VWA3B: variants seen among roughly 807,000 people sequenced by gnomAD.
The protein encoded by VWA3B is von Willebrand factor A domain-containing protein 3B.
VWA3B carries 138 observed loss-of-function variants against 158.3 expected under a neutral mutation model. The observed-to-expected ratio is 0.87, with a 90% CI of 0.76 to 1.00. The LOEUF (loss-of-function observed/expected upper bound fraction) is 1.00, where lower values mean the gene tolerates loss of function less well. Ranked by LOEUF, VWA3B falls within the 50% of genes least tolerant of loss-of-function variation. VWA3B has a pLI of 0.00. For missense variants in VWA3B, 1,555 were observed against 1,565.1 expected, an observed-to-expected ratio of 0.99 and a Z score of 0.11; for synonymous variants, 596 against 587.3, an observed-to-expected ratio of 1.01 and a Z score of -0.21.
chr2:98,325,667 A>G, the VWA3B span, among the ~76,000 whole-genome samples: 2 of 152,232 alleles, frequency 1.3e-5, no homozygotes, highest in Non-Finnish European at 2.9e-5. Context: ...TAATATACAT[A>G]TAGTTATAAT....
intron 14 of VWA3B, among the ~76,000 whole-genome samples, chr2:98,227,652 T>A (rs1285352560): frequency 6.6e-6 from 1 of 152,186 alleles, no homozygotes; most frequent in African/African-American, 2.4e-5. Context: ...AAGAGTAATT[T>A]CTGTGTGATT....
In VWA3B at chr2:98,216,840, A is replaced by G. The variant is rs1445550816; in HGVS notation, c.1837-1006A>G. 3.4e-6 allele frequency: 3 copies of G among 874,898 alleles called. No homozygotes were observed. In the South Asian group the frequency reaches 4.2e-5, roughly 12 times the overall value. 54.2% of individuals were successfully genotyped at this position (874,898 alleles called of 1,614,324 possible). A position where few individuals can be genotyped will look rare whatever the true frequency, so the allele number is the denominator to read the frequency against. On this transcript the variant is annotated intron_variant, in intron 13 of 27. Transcript: ENST00000477737. Reference sequence around the variant, plus strand: ...CCACAGATGAGGAAACTCACATTAGACAGGACATGCCCTAGGCCATTCAGA... The same window carrying G: ...CCACAGATGAGGAAACTCACATTAGGCAGGACATGCCCTAGGCCATTCAGA...
At chr2:98,195,563 A>G (rs1197452931) in intron 12 of VWA3B, among the ~76,000 whole-genome samples, 1 of 152,164 alleles carries the variant, frequency 6.6e-6, no homozygotes, top group Non-Finnish European at 1.5e-5. Context: ...CAATGAAGTT[A>G]CTTGTGACAT....
chr2:98,179,295 A>G (rs1276090811), intron 8 of VWA3B: 1 of 470,974 alleles, frequency 2.1e-6, no homozygotes, highest in African/African-American at 2.0e-5. Context: ...TGCTTGTGTG[A>G]TATGCTGGCT....
intron 2 of VWA3B, among the ~76,000 whole-genome samples, chr2:98,096,465 C>T (rs1559528877): frequency 6.6e-6 from 1 of 151,974 alleles, no homozygotes; most frequent in Non-Finnish European, 1.5e-5. Context: ...GACGGGATTT[C>T]ACCATGTTGG....
chr2:98,262,874 A>G (rs912072016), intron 21 of VWA3B, among the ~76,000 whole-genome samples: 8 of 151,928 alleles, frequency 5.3e-5, no homozygotes, highest in Admixed American at 1.3e-4. Flanking sequence ...CACTTTAGGT[A>G]GTATGGACAT....
At chr2:98,106,230 G>A (rs765636877) in intron 2 of VWA3B, among the ~76,000 whole-genome samples, 8 of 151,994 alleles carry the variant, frequency 5.3e-5, no homozygotes, top group Non-Finnish European at 1.2e-4. Flanking sequence ...TTCTCTATTT[G>A]TTCTATTCAT....
At chr2:98,227,353 T>A (rs2105676656) in intron 14 of VWA3B, among the ~76,000 whole-genome samples, 1 of 152,312 alleles carries the variant, frequency 6.6e-6, no homozygotes, top group South Asian at 2.1e-4. Flanking sequence ...GTGAAGGACC[T>A]TAACATCACA....
At chr2:98,316,264 C>G (rs1691083317), downstream of VWA3B, among the ~76,000 whole-genome samples, 4 of 152,212 alleles carry the variant, frequency 2.6e-5, no homozygotes, top group South Asian at 8.3e-4. Flanking sequence ...ATGCACCTGT[C>G]TGCAAACATG....
the VWA3B span, among the ~76,000 whole-genome samples, chr2:98,322,241 G>T: frequency 6.6e-6 from 1 of 152,306 alleles, no homozygotes; most frequent in African/African-American, 2.4e-5. Flanking sequence ...AGCTGCTGGA[G>T]AGTTTATTCT....
rs1214421769 is a variant in VWA3B at position 98,137,259 on chromosome 2, A to G, written c.988+3320A>G. ...TTCCATAGTGGCTGTACCATTTTACATTCCTACCAACAGTGCACAAAGTTC... is the reference window on the plus strand; with the variant it reads ...TTCCATAGTGGCTGTACCATTTTACGTTCCTACCAACAGTGCACAAAGTTC... On this transcript the variant is annotated intron_variant, in intron 7 of 27. Coordinates refer to ENST00000477737, the MANE Select transcript of VWA3B (RefSeq NM_144992.5). Among the ~76,000 whole-genome samples, 4 of 152,296 alleles carry G rather than the reference A, an allele frequency of 2.6e-5. No individual in the cohort carries two copies. The East Asian group carries it at 7.7e-4, about 29-fold the overall frequency.
At chr2:98,171,489 G>A (rs1036798126) in intron 8 of VWA3B, among the ~76,000 whole-genome samples, 4 of 152,082 alleles carry the variant, frequency 2.6e-5, no homozygotes, top group Non-Finnish European at 4.4e-5. Context: ...AAGGAGAACA[G>A]CACTTTAGAA....
At chr2:98,193,161 TGTTA>T in intron 11 of VWA3B, 125 bp downstream of exon 11, 1 of 1,256,438 alleles carries the variant, frequency 8.0e-7, no homozygotes, top group East Asian at 2.4e-5. Context: ...TACTCCCTTT[TGTTA>T]GTTAAAGAAT....
intron 20 of VWA3B, 95 bp downstream of exon 20, chr2:98,250,531 T>A (rs1686735302): frequency 9.5e-6 from 9 of 950,676 alleles, no homozygotes; most frequent in South Asian, 1.7e-5. Flanking sequence ...TTTTTTTTTT[T>A]AATGAAGCAG....
In VWA3B at chr2:98,128,939, G is replaced by A. The variant is rs150596896; in HGVS notation, c.872+531G>A. Among the ~76,000 whole-genome samples, 996 of 152,342 alleles carry A rather than the reference G, an allele frequency of 6.5e-3. 9 individuals carry two copies. Among genetic ancestry groups the A allele is most frequent in the African/African-American group, 0.023 (966 of 41,570 alleles). ...TTTCCCCTCACTCCCTCTGCCTCCC[G>A]GCTGAGCCGGTGCTTCCCTGTGTGG... On this transcript the variant is annotated intron_variant, in intron 6 of 27. Coordinates refer to ENST00000477737, the MANE Select transcript of VWA3B (RefSeq NM_144992.5).
At position 98,256,186 on chromosome 2, in the gene VWA3B, C is replaced by A. The variant is rs1244848937; in HGVS notation, c.2843+12C>A. 17 of 1,575,442 alleles carry A rather than the reference C, an allele frequency of 1.1e-5. No homozygotes were observed. The highest frequency in any genetic ancestry group is 1.8e-5 in the Admixed American group (1 of 55,908). On this transcript the variant is annotated intron_variant, in intron 21 of 27. Transcript: ENST00000477737. ...GAGGAAAAAGAAAAGTAAGCCATTCCATTCCCTCCTCACTTTTTTTTTTTG... is the reference window on the plus strand; with the variant it reads ...GAGGAAAAAGAAAAGTAAGCCATTCAATTCCCTCCTCACTTTTTTTTTTTG...
At chr2:98,310,022 G>C (rs967487664) in intron 26 of VWA3B, among the ~76,000 whole-genome samples, 1 of 152,200 alleles carries the variant, frequency 6.6e-6, no homozygotes, top group African/African-American at 2.4e-5. Context: ...AGGAGACACA[G>C]AGATTCGCCA....
intron 6 of VWA3B, among the ~76,000 whole-genome samples, chr2:98,132,503 G>A (rs1244618178): frequency 3.3e-5 from 5 of 152,244 alleles, no homozygotes; most frequent in Non-Finnish European, 5.9e-5. Flanking sequence ...CAAGCACAGC[G>A]CTGTGCTCTA....
chr2:98,328,338 A>G, the VWA3B span, among the ~76,000 whole-genome samples: 2 of 152,188 alleles, frequency 1.3e-5, no homozygotes, highest in Non-Finnish European at 2.9e-5. Flanking sequence ...CATTGTACTG[A>G]GCAAGGTCCT....
Sources: allele counts gnomAD v4.1 joint callset (sites outside exome capture counted in the v4.1 genomes callset), GRCh38; gene constraint gnomAD v4.1.1; transcripts MANE v1.5; gene names NCBI Gene and HGNC (gene_info 2026-07-23, HGNC 2026-07-21).